OGFR: variants seen among roughly 807,000 people sequenced by gnomAD.
The protein encoded by OGFR is opioid growth factor receptor.
A neutral mutation model predicts 33.6 loss-of-function variants in OGFR; 18 were observed. That is an observed-to-expected ratio of 0.54 (90% CI 0.37 to 0.80). The LOEUF (loss-of-function observed/expected upper bound fraction) is 0.80, where lower values mean the gene tolerates loss of function less well. Ranked by LOEUF, OGFR falls within the 30% of genes least tolerant of loss-of-function variation. The pLI is 0.00. For missense variants in OGFR, 877 were observed against 955.8 expected (o/e 0.92, Z 1.09); for synonymous variants, 370 against 400.7 (o/e 0.92, Z 0.91).
Position 62,812,214 on chromosome 20 carries a change from C to A in OGFR, c.615-16C>A. ...GGCCCCAGCCATTGACCTCTCCTGACCCGGATCTCTCGCAGGCGCAGCCAC... is the reference window on the plus strand; with the variant it reads ...GGCCCCAGCCATTGACCTCTCCTGAACCGGATCTCTCGCAGGCGCAGCCAC... On this transcript the variant is annotated splice_polypyrimidine_tract_variant and intron_variant, in intron 6 of 6. Coordinates refer to ENST00000290291, the MANE Select transcript of OGFR (RefSeq NM_007346.4). The A allele has an allele frequency of 6.7e-7, 1 of 1,487,270 alleles. No individual in the cohort carries two copies. Among genetic ancestry groups the A allele is most frequent in the Non-Finnish European group, 9.0e-7 (1 of 1,114,380 alleles). 92.1% of individuals were successfully genotyped at this position (1,487,270 alleles called of 1,614,324 possible). A position where few individuals can be genotyped will look rare whatever the true frequency, so the allele number is the denominator to read the frequency against.
At position 62,812,809 on chromosome 20, in the gene OGFR, G is replaced by T. The variant is rs1396202035; in HGVS notation, c.1194G>T (p.Glu398Asp). Reference sequence around the variant, plus strand: ...GCCGGCGGGAGCAGCCGCCCACAGAGCCAGGCCCTCAGAGTGCCTCAGAGG... The same window carrying T: ...GCCGGCGGGAGCAGCCGCCCACAGATCCAGGCCCTCAGAGTGCCTCAGAGG... ...ELSRREQPPT[E>D]PGPQSASEVE... The change falls in exon 7 of 7, where the codon GAG (glutamate) becomes GAT (aspartate). Residue 398 changes from glutamate to aspartate, a missense_variant. Glu to Asp is a conservative substitution (Grantham distance 45). This residue lies in a region of OGFR where 760 missense variants were observed against 736.0 expected (regional missense o/e 1.03). Coordinates refer to ENST00000290291, the MANE Select transcript of OGFR (RefSeq NM_007346.4). The T allele has an allele frequency of 6.2e-7, 1 of 1,612,690 alleles. No homozygotes were observed. The highest frequency in any genetic ancestry group is 1.1e-5 in the South Asian group (1 of 91,086).
rs2147185709 is a variant in OGFR, at chr20:62,811,513, C to T, written c.517C>T (p.Leu173Phe). 1 of 1,608,644 alleles carries T rather than the reference C, an allele frequency of 6.2e-7. No homozygotes were observed. The highest frequency in any genetic ancestry group is 2.2e-5 in the East Asian group (1 of 44,684). ...IQERLVRAYELMLGFYGIRLE... is the reference protein window; with the variant it reads ...IQERLVRAYEFMLGFYGIRLE... ...GGAGCGGCTTGTCCGGGCCTACGAG[C>T]TCATGCTGGGCTTCTACGGGATCCG... Residue 173 changes from leucine to phenylalanine, a missense_variant, in exon 6 of 7, where the codon CTC becomes TTC. Leu to Phe is a conservative substitution (Grantham distance 22). Around this residue, in one of 3 missense-constraint regions of OGFR, gnomAD observed 760 missense variants for 736.0 expected, o/e 1.03. Transcript: ENST00000290291.
At position 62,813,663 on chromosome 20, in the gene OGFR, C is replaced by G; in HGVS notation, c.*14C>G. On this transcript the variant is annotated 3_prime_UTR_variant, in exon 7 of 7. Coordinates refer to ENST00000290291, the MANE Select transcript of OGFR (RefSeq NM_007346.4). ...GGGAAGCCTTAAGGAAAGGAGTGCC[C>G]GTCGGCGTCTTGGTCCTCCTGTCCC... The G allele has an allele frequency of 6.2e-7, 1 of 1,610,208 alleles. No homozygotes were observed. Among genetic ancestry groups the G allele is most frequent in the Non-Finnish European group, 8.5e-7 (1 of 1,178,100 alleles).
chr20:62,813,220 C>CAAGGCGGG lies in OGFR; in HGVS notation c.1605_1606insAAGGCGGG (p.Glu536LysfsTer181). The CAAGGCGGG allele has an allele frequency of 6.6e-7, 1 of 1,520,838 alleles. No homozygotes were observed. Among genetic ancestry groups the CAAGGCGGG allele is most frequent in the South Asian group, 1.1e-5 (1 of 87,262 alleles). 94.2% of individuals were successfully genotyped at this position (1,520,838 alleles called of 1,614,324 possible). ...CAGGACCTGCAGGGGACGAGCCAGCCGAGAGCCCATCGGAGACCCCAGGCC... is the reference window on the plus strand; with the variant it reads ...CAGGACCTGCAGGGGACGAGCCAGCCAAGGCGGGGAGAGCCCATCGGAGACCCCAGGCC... On this transcript the variant is annotated frameshift_variant, in exon 7 of 7. Transcript: ENST00000290291. LOFTEE classifies it low-confidence loss of function (END_TRUNC).
At chr20:62,807,217 G>A (rs1284462865) in intron 1 of OGFR, 6 of 423,546 alleles carry the variant, frequency 1.4e-5, no homozygotes, top group South Asian at 7.6e-5. Flanking sequence ...CAGGGGAGGT[G>A]CATGTCAGCC....
chr20:62,809,025 ATAT>A (rs1990663854), intron 3 of OGFR, among the ~76,000 whole-genome samples: 2 of 149,618 alleles, frequency 1.3e-5, no homozygotes, highest in Non-Finnish European at 3.0e-5. Flanking sequence ...TATTACTTTG[ATAT>A]TATAAGAAAT....
In OGFR at chr20:62,804,883, C is replaced by A. The variant is rs985604812; in HGVS notation, c.24C>A (p.Ser8=). 1 of 1,492,918 alleles carries A rather than the reference C, an allele frequency of 6.7e-7. No homozygotes were observed. The highest frequency in any genetic ancestry group is 8.9e-7 in the Non-Finnish European group (1 of 1,121,508). The allele number at this position is 1,492,918 out of a possible 1,614,324, so 92.5% of individuals were successfully genotyped here. The change falls in exon 1 of 7, where the codon TCC becomes TCA. Residue 8 remains serine, a synonymous_variant. Coordinates refer to ENST00000290291, the MANE Select transcript of OGFR (RefSeq NM_007346.4). Reference sequence around the variant, plus strand: ...GCATGGACGACCCCGACTGCGACTCCACCTGGGAGGAGGACGAGGAGGATG... The same window carrying A: ...GCATGGACGACCCCGACTGCGACTCAACCTGGGAGGAGGACGAGGAGGATG... MDDPDCD[S]TWEEDEEDAE...
intron 1 of OGFR, chr20:62,805,321 C>A: frequency 4.6e-6 from 1 of 219,382 alleles, no homozygotes; most frequent in East Asian, 9.1e-5. Context: ...GCCGTGGCCG[C>A]CCCTGATGGA....
Position 62,812,955 on chromosome 20 carries a change from T to A in OGFR, c.1340T>A (p.Leu447Gln). ...GEAVQPCRQPLGARVADKVRK... is the reference protein window; with the variant it reads ...GEAVQPCRQPQGARVADKVRK... ...GCAGTGCAGCCCTGCCGCCAACCCC[T>A]GGGAGCCAGGGTGGCCGACAAGGTG... The change falls in exon 7 of 7, where the codon CTG (leucine) becomes CAG (glutamine). Residue 447 changes from leucine (L) to glutamine (Q), a missense_variant. This residue lies in a region of OGFR where 760 missense variants were observed against 736.0 expected (regional missense o/e 1.03). Transcript: ENST00000290291. 1 of 1,612,220 alleles carries A rather than the reference T, an allele frequency of 6.2e-7. No individual in the cohort carries two copies. Among genetic ancestry groups the A allele is most frequent in the Non-Finnish European group, 8.5e-7 (1 of 1,179,782 alleles).
At chr20:62,809,793 G>A (rs2147184558) in intron 4 of OGFR, 130 bp downstream of exon 4, 2 of 752,908 alleles carry the variant, frequency 2.7e-6, no homozygotes, top group South Asian at 2.8e-5. Context: ...GGAAGCTGGT[G>A]TCCACATTAC....
In OGFR at chr20:62,813,687, CCTGCTGCAGGGGCTGGGGCCTCCGGAG is replaced by C; in HGVS notation, c.*46_*72del. The C allele has an allele frequency of 1.9e-6, 3 of 1,605,860 alleles. No individual in the cohort carries two copies. The highest frequency in any genetic ancestry group is 2.6e-6 in the Non-Finnish European group (3 of 1,174,836). The stretch of plus-strand genomic sequence containing the variant: ...CCGTCGGCGTCTTGGTCCTCCTGTC[CCTGCTGCAGGGGCTGGGGCCTCCGGAG>C]CTGCTGCGGGCTCCCCTCAGGCTCT... On this transcript the variant is annotated 3_prime_UTR_variant, in exon 7 of 7. Transcript: ENST00000290291.
chr20:62,812,110 G>C, intron 6 of OGFR, 120 bp from the exon 7 acceptor site: 1 of 841,870 alleles, frequency 1.2e-6, no homozygotes, highest in South Asian at 1.8e-5. Context: ...GAGAGAGACT[G>C]AATCGTGGGC....
Position 62,812,711 on chromosome 20 carries a change from G to A in OGFR, c.1096G>A (p.Ala366Thr). The change falls in exon 7 of 7, where the codon GCA (alanine) becomes ACA (threonine). Residue 366 changes from alanine to threonine, a missense_variant. By Grantham distance (58) the Ala-to-Thr change is moderately conservative. Around this residue, in one of 3 missense-constraint regions of OGFR, gnomAD observed 760 missense variants for 736.0 expected, o/e 1.03. Transcript: ENST00000290291. ...CCTGGAGAGGAGCCAGGGGGATGAG[G>A]CAGGGGGCCACGGGGAAGATAGGCC... ...GPLERSQGDE[A>T]GGHGEDRPEP... 1 of 1,587,048 alleles carries A rather than the reference G, an allele frequency of 6.3e-7. No individual in the cohort carries two copies. Among genetic ancestry groups the A allele is most frequent in the Non-Finnish European group, 8.6e-7 (1 of 1,167,174 alleles).
In OGFR at chr20:62,812,222, T is replaced by A; in HGVS notation, c.615-8T>A. On this transcript the variant is annotated splice_polypyrimidine_tract_variant and splice_region_variant and intron_variant, in intron 6 of 6. Transcript: ENST00000290291. Reference sequence around the variant, plus strand: ...CCATTGACCTCTCCTGACCCGGATCTCTCGCAGGCGCAGCCACAACAACCT... The same window carrying A: ...CCATTGACCTCTCCTGACCCGGATCACTCGCAGGCGCAGCCACAACAACCT... 1 of 1,488,350 alleles carries A rather than the reference T, an allele frequency of 6.7e-7. No individual in the cohort carries two copies. Among genetic ancestry groups the A allele is most frequent in the Non-Finnish European group, 9.0e-7 (1 of 1,114,904 alleles). 92.2% of individuals were successfully genotyped at this position (1,488,350 alleles called of 1,614,324 possible).
intron 6 of OGFR, 118 bp downstream of exon 6, chr20:62,811,728 G>C (rs6010750): frequency 0.066 from 78,268 of 1,192,538 alleles, 3,564 homozygotes; most frequent in African/African-American, 0.18. Context: ...TTTGGGCAAT[G>C]GACCAAGGCC....
chr20:62,809,766 C>T, intron 4 of OGFR, 103 bp downstream of exon 4: 2 of 869,078 alleles, frequency 2.3e-6, no homozygotes, highest in East Asian at 2.5e-5. Context: ...ACGGACTGAG[C>T]ACTCCCTGCC....
chr20:62,809,441 G>T (rs1990674097), intron 3 of OGFR, 144 bp from the exon 4 acceptor site: 3 of 652,924 alleles, frequency 4.6e-6, no homozygotes, highest in East Asian at 5.7e-5. Context: ...CTAGCACCCT[G>T]AAGAGCCTCA....
intron 1 of OGFR, 150 bp downstream of exon 1, chr20:62,805,180 C>A: frequency 1.9e-6 from 1 of 515,382 alleles, no homozygotes; most frequent in Non-Finnish European, 3.0e-6. Context: ...CCGGCCGACC[C>A]CCAGCCCCAG....
rs527818354 is a variant in OGFR at position 62,804,870 on chromosome 20, C to G, written c.11C>G (p.Pro4Arg). 2 of 1,484,092 alleles carry G rather than the reference C, an allele frequency of 1.3e-6. No individual in the cohort carries two copies. Among genetic ancestry groups the G allele is most frequent in the East Asian group, 3.0e-5 (1 of 33,168 alleles). 91.9% of individuals were successfully genotyped at this position (1,484,092 alleles called of 1,614,324 possible). A position where few individuals can be genotyped will look rare whatever the true frequency, so the allele number is the denominator to read the frequency against. Reference protein sequence around the residue: MDDPDCDSTWEEDE... With the variant: MDDRDCDSTWEEDE... ...CCGCCGCCGCCGAGCATGGACGACC[C>G]CGACTGCGACTCCACCTGGGAGGAG... The change falls in exon 1 of 7, where the codon CCC becomes CGC. Residue 4 changes from proline (P) to arginine (R), a missense_variant. Transcript: ENST00000290291.
Sources: allele counts gnomAD v4.1 joint callset (sites outside exome capture counted in the v4.1 genomes callset), GRCh38; gene constraint gnomAD v4.1.1; regional missense constraint gnomAD v4.1.1; transcripts MANE v1.5; gene names NCBI Gene and HGNC (gene_info 2026-07-23, HGNC 2026-07-21).